Variants in CEP44 observed in about 807,000 individuals in gnomAD.
The protein encoded by CEP44 is centrosomal protein 44.
CEP44 carries 45 observed loss-of-function variants against 46.7 expected under a neutral mutation model. That is an observed-to-expected ratio of 0.96 (90% CI 0.76 to 1.24). The LOEUF (loss-of-function observed/expected upper bound fraction) is 1.24, where lower values mean the gene tolerates loss of function less well. Among genes scored for constraint, CEP44 ranks in the 50% most tolerant of loss-of-function variants. CEP44 has a pLI of 0.00. For missense variants in CEP44, 475 were observed against 459.7 expected (o/e 1.03, Z -0.30); for synonymous variants, 142 against 146.0 (o/e 0.97, Z 0.20).
At chr4:174,330,012 G>A (rs1474751571) in intron 8 of CEP44, among the ~76,000 whole-genome samples, 2 of 152,022 alleles carry the variant, frequency 1.3e-5, no homozygotes, top group African/African-American at 4.8e-5. Context: ...AATATGTTCT[G>A]AATTTGTAAC....
downstream of CEP44, among the ~76,000 whole-genome samples, chr4:174,320,710 G>A (rs575517032): frequency 1.3e-4 from 20 of 150,810 alleles, no homozygotes; most frequent in Middle Eastern, 3.4e-3. Context: ...GTGTATGTGT[G>A]TGTGTGTGGC....
rs954253408 is a variant in CEP44 at position 174,283,983 on chromosome 4, G to C, written c.-148+40G>C. ...GGAACCCACAATTCCAAATACAAAC[G>C]GTCGGCGCGAGAAGCGCTTCTGGGC... is the stretch of plus-strand genomic sequence containing the variant. On this transcript the variant is annotated intron_variant, in intron 1 of 11. Coordinates refer to ENST00000503780, the MANE Select transcript of CEP44 (RefSeq NM_001040157.3). The surrounding 1 kb of genome is among the most constrained non-coding windows in gnomAD (Gnocchi z 6.7). The C allele has an allele frequency of 6.3e-5, 25 of 399,710 alleles. No homozygotes were observed. The Admixed American group carries it at 7.9e-4, about 13-fold the overall frequency. 24.8% of individuals were successfully genotyped at this position (399,710 alleles called of 1,614,324 possible). A position where few individuals can be genotyped will look rare whatever the true frequency, so the allele number is the denominator to read the frequency against.
At chr4:174,296,217 C>G (rs1356906259) in intron 1 of CEP44, among the ~76,000 whole-genome samples, 1 of 152,166 alleles carries the variant, frequency 6.6e-6, no homozygotes, top group Non-Finnish European at 1.5e-5. Flanking sequence ...GGATGTTTAT[C>G]AAAACTTCTC....
intron 6 of CEP44, among the ~76,000 whole-genome samples, chr4:174,305,236 C>T (rs1014231093): frequency 1.3e-5 from 2 of 152,074 alleles, no homozygotes; most frequent in African/African-American, 4.8e-5. Flanking sequence ...GGTGGATCAC[C>T]TAAAGTCAGG....
At position 174,311,491 on chromosome 4, in the gene CEP44, T is replaced by A. The variant is rs1435451284; in HGVS notation, c.961+633T>A. ...GATTAAATCATAGCTATAGAAGAGATGTTTTGTCCAATTGAGAATTCATCG... is the reference window on the plus strand; with the variant it reads ...GATTAAATCATAGCTATAGAAGAGAAGTTTTGTCCAATTGAGAATTCATCG... On this transcript the variant is annotated intron_variant, in intron 9 of 11. Transcript: ENST00000503780. This position sits in a 1 kb window ranked among gnomAD's most constrained non-coding sequence, Gnocchi z 4.4. Among the ~76,000 whole-genome samples the A allele has an allele frequency of 1.3e-5, 2 of 152,082 alleles. No individual in the cohort carries two copies. The highest frequency in any genetic ancestry group is 2.4e-5 in the African/African-American group (1 of 41,430).
At chr4:174,298,645 ACT>A (rs966022580) in intron 2 of CEP44, among the ~76,000 whole-genome samples, 2 of 152,034 alleles carry the variant, frequency 1.3e-5, no homozygotes, top group African/African-American at 2.4e-5. Flanking sequence ...GAGCCCTGTG[ACT>A]CTGATTAAAT....
At chr4:174,332,687 C>G (rs1359380075) in exon 9 of CEP44, 1 of 152,156 alleles carries the variant, frequency 6.6e-6, no homozygotes, top group Non-Finnish European at 1.5e-5. Flanking sequence ...TAATCACAAC[C>G]ACTTACTGAC....
downstream of CEP44, among the ~76,000 whole-genome samples, chr4:174,321,084 C>T (rs531176997): frequency 8.5e-5 from 13 of 152,094 alleles, no homozygotes; most frequent in African/African-American, 2.4e-4. Flanking sequence ...TAATTGGTTC[C>T]GTCTGGAATC....
intron 7 of CEP44, 88 bp downstream of exon 7, chr4:174,308,947 C>G: frequency 8.7e-7 from 1 of 1,143,474 alleles, no homozygotes; most frequent in South Asian, 1.4e-5. Context: ...TGGAATATTT[C>G]TAGCCTTTTG....
In CEP44 at chr4:174,290,134, G is replaced by A. The variant is rs1297654720; in HGVS notation, c.-148+6191G>A. On this transcript the variant is annotated intron_variant, in intron 1 of 11. Transcript: ENST00000503780. This position sits in a 1 kb window ranked among gnomAD's most constrained non-coding sequence, Gnocchi z 4.3. ...CCCCAAAAGTGCTAGGATTATAGGC[G>A]TGAGCCACTGTGTCCTGCCTCTTTC... Among the ~76,000 whole-genome samples the A allele has an allele frequency of 2.0e-5, 3 of 152,120 alleles. No homozygotes were observed. The highest frequency in any genetic ancestry group is 2.9e-5 in the Non-Finnish European group (2 of 68,010).
In CEP44 at chr4:174,316,772, C is replaced by T. The variant is rs545833024; in HGVS notation, c.1124+205C>T. ...AGTCACTGTTTTAGTTTCCAACAAG[C>T]GATTTAAAACTTGTTGGAATTGTTA... On this transcript the variant is annotated intron_variant, in intron 11 of 11. Transcript: ENST00000503780. The T allele has an allele frequency of 1.5e-4, 60 of 404,384 alleles. 1 individual carries two copies. The highest frequency in any genetic ancestry group is 9.1e-4 in the South Asian group (18 of 19,688). The allele number at this position is 404,384 out of a possible 1,614,324, so 25.0% of individuals were successfully genotyped here.
intron 4 of CEP44, among the ~76,000 whole-genome samples, chr4:174,303,369 A>T (rs1211816749): frequency 6.6e-6 from 1 of 152,006 alleles, no homozygotes; most frequent in Non-Finnish European, 1.5e-5. Flanking sequence ...ATAGTTTCTG[A>T]CTCTGGTATG....
intron 1 of CEP44, among the ~76,000 whole-genome samples, chr4:174,295,407 G>T (rs1190068863): frequency 6.6e-6 from 1 of 151,284 alleles, no homozygotes; most frequent in Non-Finnish European, 1.5e-5. Context: ...GGGCAGAGAC[G>T]CTCCTTACTT....
chr4:174,292,385 T>A (rs1225019195), intron 1 of CEP44, among the ~76,000 whole-genome samples: 5 of 152,188 alleles, frequency 3.3e-5, no homozygotes, highest in African/African-American at 1.2e-4. Context: ...GCTTCGTGAG[T>A]CTGGATGTCC....
At position 174,325,635 on chromosome 4, in the gene CEP44, A is replaced by G. The variant is rs1742614278; in HGVS notation, c.1087-5847A>G. Among the ~76,000 whole-genome samples the G allele has an allele frequency of 6.6e-6, 1 of 152,176 alleles. No individual in the cohort carries two copies. On this transcript the variant is annotated intron_variant, in intron 8 of 8. Transcript: ENST00000426172. This position sits in a 1 kb window ranked among gnomAD's most constrained non-coding sequence, Gnocchi z 4.4. ...ATATCACTGCACTCCAGCCTGGGTG[A>G]CAGAGCAAGACCCTGTCTCTAAAAA...
In CEP44 at chr4:174,318,880, G is replaced by A; in HGVS notation, c.*1497G>A. On this transcript the variant is annotated 3_prime_UTR_variant, in exon 12 of 12. Transcript: ENST00000503780. ...GCTGGAGTGCACTGGCGTGATCTCGGCTCACTGCACCTTCTGCCTACCGAG... is the reference window on the plus strand; with the variant it reads ...GCTGGAGTGCACTGGCGTGATCTCGACTCACTGCACCTTCTGCCTACCGAG... 1 of 333,124 alleles carries A rather than the reference G, an allele frequency of 3.0e-6. No individual in the cohort carries two copies. The highest frequency in any genetic ancestry group is 4.3e-6 in the Non-Finnish European group (1 of 234,800). The allele number at this position is 333,124 out of a possible 1,614,324, so 20.6% of individuals were successfully genotyped here.
Position 174,305,184 on chromosome 4 carries a change from T to G in CEP44, c.507+815T>G. ...AAATTTATTCTTGGGTCTAGCACAG[T>G]AGCTCATGCCTGTAATCCCAGCACT... On this transcript the variant is annotated intron_variant, in intron 6 of 11. Coordinates refer to ENST00000503780, the MANE Select transcript of CEP44 (RefSeq NM_001040157.3). 1.3e-5 allele frequency among the ~76,000 whole-genome samples: 2 copies of G among 152,218 alleles called. 1 individual carries two copies. Among genetic ancestry groups the G allele is most frequent in the Non-Finnish European group, 2.9e-5 (2 of 68,028 alleles).
downstream of CEP44, among the ~76,000 whole-genome samples, chr4:174,323,686 C>G (rs576994964): frequency 6.6e-6 from 1 of 152,054 alleles, no homozygotes; most frequent in Non-Finnish European, 1.5e-5. Flanking sequence ...CTGATCTGTG[C>G]GAGTGCAGTT....
intron 1 of CEP44, among the ~76,000 whole-genome samples, chr4:174,293,403 A>G (rs923194156): frequency 2.0e-5 from 3 of 152,138 alleles, no homozygotes; most frequent in Admixed American, 2.0e-4. Flanking sequence ...GATGGTTGCT[A>G]AATTGGTGTT....
Sources: gnomAD v4.1 joint callset for allele counts (sites outside exome capture counted in the v4.1 genomes callset) on GRCh38, gnomAD v4.1.1 for gene constraint, Gnocchi (gnomAD v3.1) non-coding constraint, MANE v1.5 for transcripts, NCBI Gene and HGNC (gene_info 2026-07-23, HGNC 2026-07-21) for gene names.